Variants in APAF1 observed in about 807,000 individuals in gnomAD.
APAF1 encodes the protein apoptotic peptidase activating factor 1.
A neutral mutation model predicts 152.4 loss-of-function variants in APAF1; 91 were observed. The observed-to-expected ratio is 0.60, with a 90% CI of 0.50 to 0.71. The LOEUF (loss-of-function observed/expected upper bound fraction) is 0.71. Among genes scored for constraint, APAF1 ranks in the 30% least tolerant of loss-of-function variants. The pLI, the probability that APAF1 is intolerant of heterozygous loss-of-function variation, is 0.00. For synonymous variants in APAF1, 484 were observed against 494.1 expected, an observed-to-expected ratio of 0.98 and a Z score of 0.27; for missense variants, 1,283 against 1,472.0, an observed-to-expected ratio of 0.87 and a Z score of 2.10.
chr12:98,648,979 A>G, intron 3 of APAF1, 164 bp downstream of exon 3: 1 of 804,144 alleles, frequency 1.2e-6, no homozygotes, highest in South Asian at 1.5e-5. Flanking sequence ...ATTTGCATCC[A>G]CATTAACTCT....
At chr12:98,707,709 T>TATATATATATATATATATATAC (rs899955094) in intron 19 of APAF1, among the ~76,000 whole-genome samples, 11 of 149,854 alleles carry the variant, frequency 7.3e-5, no homozygotes, top group Non-Finnish European at 1.0e-4. Flanking sequence ...TATATATATA[T>TATATATATATATATATATATAC]ATACATATAA....
chr12:98,669,131 G>A (rs1194700811), intron 10 of APAF1, among the ~76,000 whole-genome samples: 1 of 151,938 alleles, frequency 6.6e-6, no homozygotes, highest in Admixed American at 6.6e-5. Context: ...ATAAATACTT[G>A]TGCCCTAATT....
At position 98,732,644 on chromosome 12, in the gene APAF1, C is replaced by A; in HGVS notation, c.*78C>A. ...AATTCTAATGAAACCCTGATATCAA[C>A]TTTTTATAAAGCTCTTAATTGTTGT... On this transcript the variant is annotated 3_prime_UTR_variant, in exon 27 of 27. Coordinates refer to ENST00000551964, the MANE Select transcript of APAF1 (RefSeq NM_181861.2). 1 of 969,778 alleles carries A rather than the reference C, an allele frequency of 1.0e-6. No homozygotes were observed. 60.1% of individuals were successfully genotyped at this position (969,778 alleles called of 1,614,324 possible).
chr12:98,663,151 T>A (rs1318010136), intron 7 of APAF1, among the ~76,000 whole-genome samples: 1 of 152,206 alleles, frequency 6.6e-6, no homozygotes, highest in East Asian at 1.9e-4. Flanking sequence ...TGTTCTAATT[T>A]GGTAAGTAAA....
intron 24 of APAF1, 150 bp from the exon 25 acceptor site, chr12:98,725,265 G>A (rs2097748769): frequency 3.2e-6 from 3 of 931,966 alleles, no homozygotes; most frequent in African/African-American, 1.6e-5. Flanking sequence ...TAACAAGGTT[G>A]CATGCTGGAA....
At position 98,726,922 on chromosome 12, in the gene APAF1, T is replaced by G. The variant is rs1054725975; in HGVS notation, c.3457-251T>G. 2.0e-5 allele frequency among the ~76,000 whole-genome samples: 3 copies of G among 152,230 alleles called. 1 individual carries two copies. The highest frequency in any genetic ancestry group is 1.3e-4 in the Admixed American group (2 of 15,284). ...GAGAGATTTACAAATGATTGTTTAA[T>G]TTTCTTTTACCATTTATGCCTCTGT... On this transcript the variant is annotated intron_variant, in intron 25 of 26. Transcript: ENST00000551964.
chr12:98,723,731 G>C lies in APAF1; in HGVS notation c.3297G>C (p.Lys1099Asn). 1 of 1,613,500 alleles carries C rather than the reference G, an allele frequency of 6.2e-7. No homozygotes were observed. Among genetic ancestry groups the C allele is most frequent in the Non-Finnish European group, 8.5e-7 (1 of 1,179,818 alleles). ...GTGACATTTCTCACGATGCTACCAA[G>C]TTTTCATCTACCTCTGCTGACAAGA... ...LSCDISHDAT[K>N]FSSTSADKTA... Residue 1099 changes from lysine (K) to asparagine (N), a missense_variant, in exon 24 of 27, where the codon AAG (lysine) becomes AAC (asparagine). By Grantham distance (94) the Lys-to-Asn change is moderately conservative. Coordinates refer to ENST00000551964, the MANE Select transcript of APAF1 (RefSeq NM_181861.2).
intron 16 of APAF1, among the ~76,000 whole-genome samples, chr12:98,696,282 G>A (rs989346227): frequency 2.0e-4 from 31 of 152,152 alleles, no homozygotes; most frequent in African/African-American, 2.2e-4. Context: ...GGAAGTGGGC[G>A]TGTGCAAAGA....
chr12:98,689,800 T>C (rs1029819481), intron 16 of APAF1, among the ~76,000 whole-genome samples: 1 of 152,198 alleles, frequency 6.6e-6, no homozygotes, highest in Non-Finnish European at 1.5e-5. Context: ...AGCATCCATC[T>C]GTTTGGTTCT....
rs1274944865 is a variant in APAF1 at position 98,735,046 on chromosome 12, G to A, written c.*2480G>A. 5.1e-6 allele frequency: 2 copies of A among 393,036 alleles called. No homozygotes were observed. The allele number at this position is 393,036 out of a possible 1,614,324, so 24.3% of individuals were successfully genotyped here. A position where few individuals can be genotyped will look rare whatever the true frequency, so the allele number is the denominator to read the frequency against. ...GAGGATTCCTTGAGCCCTGGAGTTT[G>A]AGTCCAGCCTGGGTGACATAGCAAG... is the stretch of plus-strand genomic sequence containing the variant. On this transcript the variant is annotated 3_prime_UTR_variant, in exon 27 of 27. Transcript: ENST00000551964.
intron 21 of APAF1, among the ~76,000 whole-genome samples, 167 bp from the exon 22 acceptor site, chr12:98,715,234 GCATATATATATATATATATATATATA>G (rs2097732877): frequency 1.7e-5 from 1 of 58,326 alleles, no homozygotes; most frequent in African/African-American, 8.0e-5. Context: ...TACATGGTGT[GCATATATATATATATATATATATATA>G]TATATATATA....
Position 98,723,619 on chromosome 12 carries a change from G to GTTTTTT in APAF1, c.3205-9_3205-4dup. 4 of 1,366,712 alleles carry GTTTTTT rather than the reference G, an allele frequency of 2.9e-6. No individual in the cohort carries two copies. Among genetic ancestry groups the GTTTTTT allele is most frequent in the Non-Finnish European group, 3.0e-6 (3 of 999,864 alleles). 84.7% of individuals were successfully genotyped at this position (1,366,712 alleles called of 1,614,324 possible). The stretch of plus-strand genomic sequence containing the variant: ...TTCTTAAAAGTGTCAACCTCCAAGT[G>GTTTTTT]TTTTTTTTTTTTTTTTAAGGTATGG... On this transcript the variant is annotated intron_variant, in intron 23 of 26. Transcript: ENST00000551964.
intron 13 of APAF1, among the ~76,000 whole-genome samples, chr12:98,679,641 A>G (rs992622048): frequency 2.0e-4 from 31 of 152,230 alleles, no homozygotes; most frequent in Admixed American, 6.5e-4. Flanking sequence ...GAGCTCCCCA[A>G]GCTAGGGCTG....
intron 26 of APAF1, among the ~76,000 whole-genome samples, chr12:98,732,071 C>T (rs2097762751): frequency 6.6e-6 from 1 of 152,184 alleles, no homozygotes; most frequent in Non-Finnish European, 1.5e-5. Flanking sequence ...GGGGAATCTT[C>T]TGCCCATTCT....
intron 18 of APAF1, 117 bp downstream of exon 18, chr12:98,703,616 T>C: frequency 7.7e-7 from 1 of 1,304,428 alleles, no homozygotes; most frequent in Non-Finnish European, 1.1e-6. Flanking sequence ...TTATAGAGTA[T>C]TTTCTTTATA....
intron 25 of APAF1, among the ~76,000 whole-genome samples, chr12:98,726,152 T>C (rs188204092): frequency 7.4e-4 from 113 of 152,344 alleles, no homozygotes; most frequent in African/African-American, 2.5e-3. Flanking sequence ...ACCATGCCAA[T>C]TTTATTTAGA....
At chr12:98,683,582 T>A (rs1190700791) in intron 15 of APAF1, among the ~76,000 whole-genome samples, 1 of 152,212 alleles carries the variant, frequency 6.6e-6, no homozygotes, top group Non-Finnish European at 1.5e-5. Context: ...GGCATGCTCT[T>A]TCTGTGGCAG....
intron 16 of APAF1, 57 bp downstream of exon 16, chr12:98,686,930 G>T: frequency 6.4e-7 from 1 of 1,558,106 alleles, no homozygotes; most frequent in South Asian, 1.2e-5. Flanking sequence ...CTTATGATTT[G>T]ATTATAGAAA....
At chr12:98,691,397 C>T (rs980030103) in intron 16 of APAF1, among the ~76,000 whole-genome samples, 5 of 152,042 alleles carry the variant, frequency 3.3e-5, no homozygotes, top group Admixed American at 1.3e-4. Context: ...AAGTGAAAAA[C>T]CTTTGATTCT....
Sources: allele counts gnomAD v4.1 joint callset (sites outside exome capture counted in the v4.1 genomes callset), GRCh38; gene constraint gnomAD v4.1.1; transcripts MANE v1.5; gene names NCBI Gene and HGNC (gene_info 2026-07-23, HGNC 2026-07-21).